The following CERK variants were observed in gnomAD, a reference collection of about 807,000 sequenced individuals.
The protein encoded by CERK is acylsphingosine kinase.
Under a neutral mutation model 63.4 loss-of-function variants are expected in CERK, and 39 were observed. The ratio of observed to expected loss-of-function variants is 0.61; its 90% confidence interval spans 0.48 to 0.80. The LOEUF (loss-of-function observed/expected upper bound fraction) is 0.80. Among genes scored for constraint, CERK ranks in the 30% least tolerant of loss-of-function variants. The pLI is 0.00. For missense variants in CERK, 670 were observed against 714.1 expected (o/e 0.94, Z 0.70); for synonymous variants, 302 against 280.0 (o/e 1.08, Z -0.78).
intron 3 of CERK, among the ~76,000 whole-genome samples, chr22:46,713,410 G>A (rs2082851694): frequency 6.7e-6 from 1 of 149,584 alleles, no homozygotes; most frequent in Non-Finnish European, 1.5e-5. Flanking sequence ...TTGGGAGGCT[G>A]AGGCAGGAGA....
chr22:46,718,900 C>T (rs1439065928), intron 3 of CERK, among the ~76,000 whole-genome samples: 1 of 151,894 alleles, frequency 6.6e-6, no homozygotes, highest in South Asian at 2.1e-4. Flanking sequence ...ATGGCAAAAC[C>T]CTGTCTGTAC....
intron 1 of CERK, among the ~76,000 whole-genome samples, chr22:46,727,136 G>T (rs537615850): frequency 2.6e-5 from 4 of 152,166 alleles, no homozygotes; most frequent in Non-Finnish European, 5.9e-5. Flanking sequence ...CTGACCGCAC[G>T]GATGATGAAG....
At chr22:46,691,874 T>TAAATG in intron 10 of CERK, 97 bp from the exon 11 acceptor site, 1 of 863,952 alleles carries the variant, frequency 1.2e-6, no homozygotes, top group Non-Finnish European at 1.8e-6. Context: ...TCTCACCTGC[T>TAAATG]CATGCATTTA....
intron 11 of CERK, among the ~76,000 whole-genome samples, chr22:46,690,419 G>A (rs1206936908): frequency 6.6e-6 from 1 of 151,694 alleles, no homozygotes; most frequent in Non-Finnish European, 1.5e-5. Context: ...CTTTCCCGGC[G>A]CCCACCTTCC....
At chr22:46,690,232 C>A in intron 11 of CERK, 32 bp from the exon 12 acceptor site, 1 of 1,595,004 alleles carries the variant, frequency 6.3e-7, no homozygotes, top group South Asian at 1.1e-5. Context: ...GACCATTCAG[C>A]TCTAAACGTC....
intron 1 of CERK, among the ~76,000 whole-genome samples, chr22:46,724,696 C>T (rs576975967): frequency 1.3e-5 from 2 of 152,150 alleles, no homozygotes; most frequent in Non-Finnish European, 2.9e-5. Flanking sequence ...CAAAAATGTC[C>T]GATAAATGAT....
intron 8 of CERK, among the ~76,000 whole-genome samples, chr22:46,698,174 C>G (rs1435201896): frequency 6.6e-6 from 1 of 152,224 alleles, no homozygotes; most frequent in Non-Finnish European, 1.5e-5. Flanking sequence ...CCTCTTTGTG[C>G]CTGTTTTCTC....
chr22:46,708,036 T>C, intron 5 of CERK, 48 bp from the exon 6 acceptor site: 2 of 1,555,404 alleles, frequency 1.3e-6, no homozygotes, highest in Non-Finnish European at 1.7e-6. Context: ...TGCGGCCCTC[T>C]GAGCGCAGCA....
intron 1 of CERK, among the ~76,000 whole-genome samples, chr22:46,722,713 C>G (rs2082898599): frequency 6.6e-6 from 1 of 152,150 alleles, no homozygotes; most frequent in African/African-American, 2.4e-5. Context: ...TTCCCACCAC[C>G]AGGTCCAGCT....
At position 46,702,545 on chromosome 22, in the gene CERK, C is replaced by T. The variant is rs138263064; in HGVS notation, c.716-835G>A. Among the ~76,000 whole-genome samples the T allele has an allele frequency of 1.7e-4, 26 of 152,250 alleles. No homozygotes were observed. The East Asian group carries it at 4.8e-3, about 28-fold the overall frequency. On this transcript the variant is annotated intron_variant, in intron 6 of 12. Transcript: ENST00000216264. ...TGACCTCGTGATCCGCCCGCCTTGG[C>T]CTCCCAAAGTGCTGGGATTAGGCGT... is the stretch of plus-strand genomic sequence containing the variant.
chr22:46,723,577 C>A (rs1218500990), intron 1 of CERK, among the ~76,000 whole-genome samples: 1 of 151,968 alleles, frequency 6.6e-6, no homozygotes, highest in Non-Finnish European at 1.5e-5. Flanking sequence ...CGAGATCACA[C>A]CAGTGCACTC....
intron 1 of CERK, among the ~76,000 whole-genome samples, chr22:46,733,345 G>C (rs552406007): frequency 2.5e-4 from 38 of 151,312 alleles, no homozygotes; most frequent in African/African-American, 9.0e-4. Context: ...CCAGGCTGGA[G>C]TGCAGTGGTG....
intron 12 of CERK, among the ~76,000 whole-genome samples, chr22:46,688,629 G>A (rs969163498): frequency 1.3e-5 from 2 of 152,274 alleles, no homozygotes; most frequent in Non-Finnish European, 2.9e-5. Context: ...CTGGCTGGCT[G>A]AGGAGTCACT....
intron 11 of CERK, among the ~76,000 whole-genome samples, chr22:46,691,167 T>C (rs1198566292): frequency 6.6e-6 from 1 of 152,080 alleles, no homozygotes; most frequent in Admixed American, 6.6e-5. Flanking sequence ...CTCCACCTCC[T>C]GGGTTCAAGC....
chr22:46,689,923 G>T (rs192032157), intron 12 of CERK, 69 bp downstream of exon 12: 2 of 1,247,374 alleles, frequency 1.6e-6, no homozygotes, highest in African/African-American at 1.5e-5. Context: ...CCCTGGGTGG[G>T]GCAGCTTGTG....
At chr22:46,693,565 G>T in intron 9 of CERK, 62 bp from the exon 10 acceptor site, 1 of 1,293,470 alleles carries the variant, frequency 7.7e-7, no homozygotes, top group African/African-American at 1.5e-5. Context: ...GCGTATGCTT[G>T]GCACATATAG....
At chr22:46,732,982 G>A (rs1315680117) in intron 1 of CERK, among the ~76,000 whole-genome samples, 1 of 151,930 alleles carries the variant, frequency 6.6e-6, no homozygotes, top group Non-Finnish European at 1.5e-5. Context: ...GCCAAAGAGG[G>A]AGGATCACGA....
intron 3 of CERK, among the ~76,000 whole-genome samples, chr22:46,716,999 G>A (rs79783972): frequency 0.012 from 1,867 of 151,984 alleles, 39 homozygotes; most frequent in African/African-American, 0.043. Context: ...ACAACCAAAC[G>A]GAAAAATGGA....
At chr22:46,690,261 C>A in intron 11 of CERK, 61 bp from the exon 12 acceptor site, 1 of 1,399,104 alleles carries the variant, frequency 7.1e-7, no homozygotes, top group Non-Finnish European at 1.0e-6. Context: ...GGTGGGGCAG[C>A]AGAACACCCC....
Sources: allele counts gnomAD v4.1 joint callset (sites outside exome capture counted in the v4.1 genomes callset), GRCh38; gene constraint gnomAD v4.1.1; transcripts MANE v1.5; gene names NCBI Gene and HGNC (gene_info 2026-07-23, HGNC 2026-07-21).